Variants in SERPINB10 observed in about 807,000 individuals in gnomAD.
SERPINB10 encodes the protein serpin family B member 10, also known as serpin B10.
SERPINB10 carries 35 observed loss-of-function variants against 39.1 expected under a neutral mutation model. The observed-to-expected ratio is 0.90, with a 90% confidence interval of 0.68 to 1.19. The LOEUF is 1.19. Among genes scored for constraint, SERPINB10 ranks in the 50% most tolerant of loss-of-function variants. The pLI, the probability that SERPINB10 is intolerant of heterozygous loss-of-function variation, is 0.00. For missense variants in SERPINB10, 546 were observed against 460.5 expected, an observed-to-expected ratio of 1.19 and a Z score of -1.70; for synonymous variants, 190 against 158.1, an observed-to-expected ratio of 1.20 and a Z score of -1.52.
At chr18:63,925,349 C>T (rs1459902022) in intron 5 of SERPINB10, among the ~76,000 whole-genome samples, 1 of 151,904 alleles carries the variant, frequency 6.6e-6, no homozygotes, top group Non-Finnish European at 1.5e-5. Flanking sequence ...ATATCTGACA[C>T]CAAGATCTTG....
At chr18:63,929,727 A>AG (rs994940236) in intron 5 of SERPINB10, among the ~76,000 whole-genome samples, 5 of 88,460 alleles carry the variant, frequency 5.7e-5, no homozygotes, top group Non-Finnish European at 1.3e-4. Flanking sequence ...AAAAAAAAAA[A>AG]AAAAAAGAAA....
At chr18:63,929,389 A>G (rs2050203310) in intron 5 of SERPINB10, among the ~76,000 whole-genome samples, 1 of 152,050 alleles carries the variant, frequency 6.6e-6, no homozygotes, top group African/African-American at 2.4e-5. Flanking sequence ...AGGGCAGTTA[A>G]GTCCTGTTAT....
At chr18:63,932,989 G>T in intron 6 of SERPINB10, 59 bp from the exon 7 acceptor site, 1 of 1,487,028 alleles carries the variant, frequency 6.7e-7, no homozygotes, top group Non-Finnish European at 9.2e-7. Flanking sequence ...TTAAGGAGTT[G>T]GTGGAATACT....
At chr18:63,926,138 C>T (rs1367005064) in intron 5 of SERPINB10, among the ~76,000 whole-genome samples, 3 of 152,046 alleles carry the variant, frequency 2.0e-5, no homozygotes, top group African/African-American at 7.2e-5. Flanking sequence ...GCTGTGCTCT[C>T]TCTGAAGGCT....
chr18:63,919,829 T>G lies in SERPINB10; in HGVS notation c.414T>G (p.Pro138=). 3.7e-6 allele frequency: 6 copies of G among 1,609,324 alleles called. No homozygotes were observed. Among genetic ancestry groups the G allele is most frequent in the Non-Finnish European group, 4.2e-6 (5 of 1,177,710 alleles). ...TGAAAACATATTTTGGTGCAGAACC[T>G]CAGCCTGTTAACTTTGTGGAAGCTT... ...EDMKTYFGAE[P]QPVNFVEASD... is the part of the protein sequence containing the mutation. The change falls in exon 5 of 8, where the codon CCT becomes CCG. Residue 138 remains proline (P), a synonymous_variant. Coordinates refer to ENST00000238508, the MANE Select transcript of SERPINB10 (RefSeq NM_005024.3).
intron 1 of SERPINB10, among the ~76,000 whole-genome samples, chr18:63,910,777 T>C (rs35142177): frequency 0.26 from 39,442 of 151,792 alleles, 5,749 homozygotes; most frequent in African/African-American, 0.39. Flanking sequence ...TGTGTGTGTG[T>C]GTGTCTCTTT....
At chr18:63,926,626 T>C (rs1300916555) in intron 5 of SERPINB10, among the ~76,000 whole-genome samples, 1 of 152,024 alleles carries the variant, frequency 6.6e-6, no homozygotes, top group Non-Finnish European at 1.5e-5. Flanking sequence ...GGGAAGTCTT[T>C]CTTAAAGGTG....
At position 63,918,395 on chromosome 18, in the gene SERPINB10, A is replaced by G. The variant is rs73478056; in HGVS notation, c.372+293A>G. 3.4e-3 allele frequency among the ~76,000 whole-genome samples: 519 copies of G among 152,188 alleles called. 5 individuals carry two copies. Among genetic ancestry groups the G allele is most frequent in the African/African-American group, 0.012 (505 of 41,548 alleles). On this transcript the variant is annotated intron_variant, in intron 4 of 7. Coordinates refer to ENST00000238508, the MANE Select transcript of SERPINB10 (RefSeq NM_005024.3). The stretch of plus-strand genomic sequence containing the variant: ...GGCTGGAGACTGTCTACTTGAGAGC[A>G]AAACTGACCTTGGGATGAGAGAAGT...
chr18:63,925,659 A>G (rs1396990549), intron 5 of SERPINB10, among the ~76,000 whole-genome samples: 1 of 152,056 alleles, frequency 6.6e-6, no homozygotes, highest in Admixed American at 6.6e-5. Flanking sequence ...TTGAAGATCC[A>G]AATAAATGAA....
At chr18:63,930,217 T>C (rs755849221) in intron 6 of SERPINB10, 30 bp downstream of exon 6, 1 of 1,606,874 alleles carries the variant, frequency 6.2e-7, no homozygotes. Flanking sequence ...CAGTTTGGAT[T>C]TTCACATGGC....
intron 2 of SERPINB10, among the ~76,000 whole-genome samples, chr18:63,917,148 C>G (rs1159571227): frequency 3.3e-5 from 5 of 151,924 alleles, no homozygotes; most frequent in African/African-American, 9.7e-5. Flanking sequence ...CTTCTTAAAA[C>G]AACCATGAGT....
At chr18:63,927,444 G>C (rs1000618414) in intron 5 of SERPINB10, among the ~76,000 whole-genome samples, 4 of 152,030 alleles carry the variant, frequency 2.6e-5, no homozygotes, top group African/African-American at 9.7e-5. Context: ...AGTTCTGGAA[G>C]CTGGGAAGTC....
At chr18:63,920,710 G>A (rs1470484656) in intron 5 of SERPINB10, among the ~76,000 whole-genome samples, 1 of 151,936 alleles carries the variant, frequency 6.6e-6, no homozygotes, top group Non-Finnish European at 1.5e-5. Context: ...AGTGCATTCT[G>A]GTTTGCCTGT....
chr18:63,929,200 T>C (rs1488325185), intron 5 of SERPINB10, among the ~76,000 whole-genome samples: 6 of 152,302 alleles, frequency 3.9e-5, no homozygotes, highest in African/African-American at 1.4e-4. Flanking sequence ...TATATGTATA[T>C]ATTTTTTCCA....
chr18:63,913,407 C>T (rs1315355420), intron 1 of SERPINB10, among the ~76,000 whole-genome samples: 2 of 151,936 alleles, frequency 1.3e-5, no homozygotes, highest in East Asian at 1.9e-4. Flanking sequence ...TTAAGGTAGG[C>T]ATTTAGTGCT....
intron 1 of SERPINB10, among the ~76,000 whole-genome samples, chr18:63,913,028 T>TGATC (rs1306690899): frequency 6.0e-4 from 92 of 152,166 alleles, no homozygotes; most frequent in African/African-American, 2.1e-3. Flanking sequence ...TTTCAGGAAT[T>TGATC]TATTCATTTT....
intron 5 of SERPINB10, among the ~76,000 whole-genome samples, chr18:63,923,928 T>C (rs113102831): frequency 1.1e-3 from 174 of 152,168 alleles, no homozygotes; most frequent in African/African-American, 3.7e-3. Context: ...CAGTTATTTA[T>C]GTTCTGCTTT....
intron 5 of SERPINB10, among the ~76,000 whole-genome samples, chr18:63,928,424 T>C (rs1727395227): frequency 6.6e-6 from 1 of 152,126 alleles, no homozygotes; most frequent in African/African-American, 2.4e-5. Context: ...TCGGGGTTGA[T>C]AGCCAAATAT....
chr18:63,917,045 G>GAA lies in SERPINB10; in HGVS notation c.169-404_169-403dup, dbSNP rs72489788. 3.7e-4 allele frequency among the ~76,000 whole-genome samples: 56 copies of GAA among 151,380 alleles called. 1 individual carries two copies. The highest frequency in any genetic ancestry group is 1.3e-3 in the African/African-American group (53 of 41,298). ...ACAATAGGAACTGAGCATTTAACTA[G>GAA]AAAAAAAACAACTAAAATTCCTTAA... is the stretch of plus-strand genomic sequence containing the variant. On this transcript the variant is annotated intron_variant, in intron 2 of 7. Transcript: ENST00000238508.
Sources: allele counts gnomAD v4.1 joint callset (sites outside exome capture counted in the v4.1 genomes callset), GRCh38; gene constraint gnomAD v4.1.1; transcripts MANE v1.5; gene names NCBI Gene and HGNC (gene_info 2026-07-23, HGNC 2026-07-21).